The following BST1 variants were observed in gnomAD, a reference collection of about 807,000 sequenced individuals.
BST1 encodes the protein bone marrow stromal cell antigen 1.
Under a neutral mutation model 40.6 loss-of-function variants are expected in BST1, and 49 were observed. The ratio of observed to expected loss-of-function variants is 1.21; its 90% CI spans 0.96 to 1.53. BST1 has a LOEUF of 1.53. Among genes scored for constraint, BST1 ranks in the 40% most tolerant of loss-of-function variants. The pLI is 0.00. For synonymous variants in BST1, 157 were observed against 159.3 expected (o/e 0.99, Z 0.11); for missense variants, 423 against 395.9 (o/e 1.07, Z -0.58).
chr4:15,767,843 A>T, the BST1 span, among the ~76,000 whole-genome samples: 1 of 150,326 alleles, frequency 6.7e-6, no homozygotes, highest in Non-Finnish European at 1.5e-5. Context: ...CTGGTCTCGA[A>T]CTCCTGACCT....
At chr4:15,733,072 G>GA (rs1265713031), downstream of BST1, among the ~76,000 whole-genome samples, 1 of 152,118 alleles carries the variant, frequency 6.6e-6, no homozygotes, top group Non-Finnish European at 1.5e-5. Flanking sequence ...TGTGAAGAGC[G>GA]AAAAAACAAA....
At chr4:15,757,834 G>T in the BST1 span, among the ~76,000 whole-genome samples, 6 of 151,968 alleles carry the variant, frequency 3.9e-5, no homozygotes, top group African/African-American at 1.5e-4. Context: ...TAGAGACAGG[G>T]TTTCTCCATG....
At chr4:15,751,496 A>G in the BST1 span, among the ~76,000 whole-genome samples, 2 of 152,168 alleles carry the variant, frequency 1.3e-5, no homozygotes, top group African/African-American at 4.8e-5. Context: ...GAAAGGTAGC[A>G]TTGGTCCATA....
chr4:15,773,683 C>T, the BST1 span, among the ~76,000 whole-genome samples: 1 of 152,204 alleles, frequency 6.6e-6, no homozygotes, highest in African/African-American at 2.4e-5. Context: ...GCAGCCCCAG[C>T]TACTCAGGAG....
intron 8 of BST1, among the ~76,000 whole-genome samples, chr4:15,728,626 T>C (rs1018204938): frequency 1.3e-5 from 2 of 150,588 alleles, no homozygotes; most frequent in African/African-American, 2.4e-5. Context: ...AAAATTTTCT[T>C]TTCCCTTCCT....
At chr4:15,730,647 C>G (rs1367858158) in intron 8 of BST1, among the ~76,000 whole-genome samples, 1 of 152,134 alleles carries the variant, frequency 6.6e-6, no homozygotes, top group African/African-American at 2.4e-5. Flanking sequence ...AGCAGCAGGT[C>G]CTGTTGTCTA....
downstream of BST1, among the ~76,000 whole-genome samples, chr4:15,738,605 G>A (rs1285278356): frequency 6.6e-6 from 1 of 152,198 alleles, no homozygotes; most frequent in Non-Finnish European, 1.5e-5. Flanking sequence ...AAAAAACCTT[G>A]ATGGGAAGTG....
In BST1 at chr4:15,715,349, A is replaced by G; in HGVS notation, c.599A>G (p.Tyr200Cys). Reference protein sequence around the residue: ...MLNGSEPTGAYPIKGFFADYE... With the variant: ...MLNGSEPTGACPIKGFFADYE... ...AATGGTTCAGAGCCAACAGGAGCCT[A>G]TCCCATCAAAGGGTAAGAACACCAG... The change falls in exon 5 of 9, where the codon TAT becomes TGT. Residue 200 changes from tyrosine (Y) to cysteine (C), a missense_variant. By Grantham distance (194) the Tyr-to-Cys change is radical. Coordinates refer to ENST00000265016, the MANE Select transcript of BST1 (RefSeq NM_004334.3). 6.2e-7 allele frequency: 1 copy of G among 1,614,156 alleles called. No homozygotes were observed. The highest frequency in any genetic ancestry group is 8.5e-7 in the Non-Finnish European group (1 of 1,179,962).
chr4:15,726,204 T>C (rs1329689238), intron 8 of BST1, among the ~76,000 whole-genome samples: 2 of 151,182 alleles, frequency 1.3e-5, no homozygotes, highest in South Asian at 2.1e-4. Flanking sequence ...ATTCATTCTT[T>C]AGCGCCTCCC....
intron 7 of BST1, 105 bp from the exon 8 acceptor site, chr4:15,722,770 G>C: frequency 1.1e-6 from 1 of 890,396 alleles, no homozygotes; most frequent in Non-Finnish European, 1.8e-6. Context: ...TGTATTATTT[G>C]AGGTCAGAGA....
At chr4:15,722,963 C>A (rs1194455425) in intron 8 of BST1, 29 bp downstream of exon 8, 1 of 1,602,770 alleles carries the variant, frequency 6.2e-7, no homozygotes, top group African/African-American at 1.3e-5. Flanking sequence ...CCAAATCGTT[C>A]TTTCCAAAGA....
intron 8 of BST1, among the ~76,000 whole-genome samples, chr4:15,724,559 G>T (rs1720997223): frequency 6.6e-6 from 1 of 152,122 alleles, no homozygotes; most frequent in Non-Finnish European, 1.5e-5. Context: ...GGTGGTGCGT[G>T]CCTGTAACCC....
the BST1 span, among the ~76,000 whole-genome samples, chr4:15,746,567 C>T: frequency 2.0e-5 from 3 of 152,266 alleles, no homozygotes; most frequent in Middle Eastern, 3.4e-3. Context: ...AATAACCAAC[C>T]CACTCCTGTG....
intron 1 of BST1, among the ~76,000 whole-genome samples, chr4:15,704,302 TGAG>T (rs1316858013): frequency 7.3e-6 from 1 of 137,274 alleles, no homozygotes; most frequent in Non-Finnish European, 1.6e-5. Context: ...GTTCTGGAGT[TGAG>T]GGGTGTGTGT....
At chr4:15,750,700 AT>A in the BST1 span, among the ~76,000 whole-genome samples, 2 of 152,240 alleles carry the variant, frequency 1.3e-5, no homozygotes, top group Admixed American at 6.5e-5. Flanking sequence ...AGAATATAAA[AT>A]ATCACATTAA....
At chr4:15,746,827 A>G in the BST1 span, among the ~76,000 whole-genome samples, 13 of 152,150 alleles carry the variant, frequency 8.5e-5, no homozygotes. Flanking sequence ...TGATCACAGC[A>G]TGGGTGCTGA....
chr4:15,761,478 A>G, the BST1 span, among the ~76,000 whole-genome samples: 30 of 152,164 alleles, frequency 2.0e-4, 1 homozygote, highest in African/African-American at 7.2e-4. Flanking sequence ...GTGCTAAAAA[A>G]CAAGAAAGTA....
chr4:15,742,076 G>A (rs1330622971), downstream of BST1, among the ~76,000 whole-genome samples: 2 of 152,088 alleles, frequency 1.3e-5, 1 homozygote, highest in Non-Finnish European at 2.9e-5. Flanking sequence ...AGTTTTTCAG[G>A]GTTTGAGATG....
chr4:15,768,032 T>C, the BST1 span, among the ~76,000 whole-genome samples: 1 of 152,204 alleles, frequency 6.6e-6, no homozygotes, highest in African/African-American at 2.4e-5. Context: ...AACAAAATCA[T>C]TCATTTTTAA....
Sources: allele counts gnomAD v4.1 joint callset (sites outside exome capture counted in the v4.1 genomes callset), GRCh38; gene constraint gnomAD v4.1.1; transcripts MANE v1.5; gene names NCBI Gene and HGNC (gene_info 2026-07-23, HGNC 2026-07-21).